Variants in PRKD2 observed in about 807,000 individuals in gnomAD.
PRKD2 encodes serine/threonine-protein kinase D2.
Under a neutral mutation model 86.0 loss-of-function variants are expected in PRKD2, and 22 were observed. That is an observed-to-expected ratio of 0.26 (90% confidence interval 0.18 to 0.37). The LOEUF (loss-of-function observed/expected upper bound fraction) is 0.37. PRKD2 is among the 10% of genes least tolerant of loss of function. The probability of loss-of-function intolerance (pLI) is 1.00; values close to 1 mark genes in which losing one functional copy is unlikely to be tolerated. For missense variants in PRKD2, 818 were observed against 1,199.2 expected (o/e 0.68, Z 4.70); for synonymous variants, 509 against 510.9 (o/e 1.00, Z 0.05).
chr19:46,692,110 C>A (rs1041814214), intron 10 of PRKD2, 125 bp from the exon 11 acceptor site: 1 of 895,412 alleles, frequency 1.1e-6, no homozygotes, highest in Non-Finnish European at 1.8e-6. Flanking sequence ...ATACAATGTG[C>A]AACTTCAGGC....
intron 9 of PRKD2, among the ~76,000 whole-genome samples, chr19:46,695,832 A>ATATTT (rs532302922): frequency 1.2e-4 from 18 of 152,110 alleles, no homozygotes; most frequent in Admixed American, 9.8e-4. Flanking sequence ...GGACAGCATT[A>ATATTT]TATTTTATTT....
intron 9 of PRKD2, 81 bp from the exon 10 acceptor site, chr19:46,694,214 A>G (rs2053525210): frequency 6.5e-7 from 1 of 1,542,008 alleles, no homozygotes; most frequent in African/African-American, 1.4e-5. Flanking sequence ...GATACACGGG[A>G]TCCATGTTGA....
At chr19:46,708,213 CA>C (rs2053744417) in intron 3 of PRKD2, among the ~76,000 whole-genome samples, 1 of 151,854 alleles carries the variant, frequency 6.6e-6, no homozygotes, top group African/African-American at 2.4e-5. Flanking sequence ...CCCTAACCTC[CA>C]ATGCAACTAT....
chr19:46,708,971 G>GT (rs796086305), intron 3 of PRKD2, among the ~76,000 whole-genome samples: 1,671 of 80,120 alleles, frequency 0.021, 51 homozygotes, highest in Admixed American at 0.053. Flanking sequence ...GTTTGTTTGT[G>GT]GTTTTTTTTT....
rs2053882576 is a variant in PRKD2 at position 46,716,429 on chromosome 19, G to A, written c.-59C>T. 3 of 1,082,518 alleles carry A rather than the reference G, an allele frequency of 2.8e-6. No homozygotes were observed. Among genetic ancestry groups the A allele is most frequent in the Admixed American group, 3.7e-5 (1 of 27,308 alleles). 67.1% of individuals were successfully genotyped at this position (1,082,518 alleles called of 1,614,324 possible). ...ACCCGGGACCCGGCCGGGGGGCCCC[G>A]GGGGACCCTGGGTTCTAGATCCGCG... On this transcript the variant is annotated 5_prime_UTR_variant, in exon 1 of 18. Transcript: ENST00000291281. This position sits in a 1 kb window ranked among gnomAD's most constrained non-coding sequence, Gnocchi z 7.9.
chr19:46,680,946 A>ATATATATATATATATTTTTTTTTT, intron 15 of PRKD2, among the ~76,000 whole-genome samples: 10 of 48,262 alleles, frequency 2.1e-4, no homozygotes, highest in Non-Finnish European at 4.0e-4. Context: ...ATATATATAT[A>ATATATATATATATATTTTTTTTTT]TTTTTTTTTT....
chr19:46,699,392 G>C (rs937111083), intron 7 of PRKD2, among the ~76,000 whole-genome samples: 1 of 152,218 alleles, frequency 6.6e-6, no homozygotes, highest in Non-Finnish European at 1.5e-5. Context: ...AGCTCCAGAA[G>C]GGCAGACTTT....
At chr19:46,712,078 A>G (rs1055502210) in intron 2 of PRKD2, among the ~76,000 whole-genome samples, 5 of 151,126 alleles carry the variant, frequency 3.3e-5, no homozygotes, top group African/African-American at 1.2e-4. Flanking sequence ...AAAAAAAGAA[A>G]AAAAAAAAAA....
At chr19:46,686,126 C>T (rs909581388) in intron 14 of PRKD2, 1 of 151,996 alleles carries the variant, frequency 6.6e-6, no homozygotes, top group African/African-American at 2.4e-5. Context: ...CAGAAGAAGG[C>T]AAGGCACCCA....
rs112417341 is a variant in PRKD2 at position 46,707,331 on chromosome 19, C to T, written c.512-2682G>A. On this transcript the variant is annotated intron_variant, in intron 3 of 17. Transcript: ENST00000291281. Reference sequence around the variant, plus strand: ...AAAAATGGAGGCGCATGGGGCCCAGCGCAGTGGCTCATGTCTGTAATCCCA... The same window carrying T: ...AAAAATGGAGGCGCATGGGGCCCAGTGCAGTGGCTCATGTCTGTAATCCCA... Among the ~76,000 whole-genome samples, 1,142 of 152,158 alleles carry T rather than the reference C, an allele frequency of 7.5e-3. 11 individuals are homozygous for T. Among genetic ancestry groups the T allele is most frequent in the African/African-American group, 0.026 (1,089 of 41,494 alleles).
intron 14 of PRKD2, 67 bp downstream of exon 14, chr19:46,689,469 CA>C: frequency 2.0e-6 from 3 of 1,511,336 alleles, no homozygotes; most frequent in Non-Finnish European, 2.7e-6. Flanking sequence ...ACCCCCTAGG[CA>C]TACAGGGCCT....
At chr19:46,691,067 G>C (rs2053476836) in intron 12 of PRKD2, among the ~76,000 whole-genome samples, 1 of 152,072 alleles carries the variant, frequency 6.6e-6, no homozygotes, top group Non-Finnish European at 1.5e-5. Context: ...ATACAGAGAA[G>C]GAAACTGAGT....
intron 9 of PRKD2, 139 bp from the exon 10 acceptor site, chr19:46,694,272 T>G: frequency 8.4e-7 from 1 of 1,186,472 alleles, no homozygotes. Flanking sequence ...TCCCAGTAAT[T>G]CTAAGCCTGT....
chr19:46,713,802 C>T (rs2053842744), intron 2 of PRKD2, 61 bp downstream of exon 2: 2 of 1,275,940 alleles, frequency 1.6e-6, no homozygotes, highest in African/African-American at 1.5e-5. Flanking sequence ...CTACCCTCTC[C>T]TCCCCCAGAT....
Position 46,693,444 on chromosome 19 carries a change from G to T in PRKD2, c.1576+431C>A, listed in dbSNP as rs1398358586. Among the ~76,000 whole-genome samples, 1 of 152,054 alleles carries T rather than the reference G, an allele frequency of 6.6e-6. No homozygotes were observed. Among genetic ancestry groups the T allele is most frequent in the Non-Finnish European group, 1.5e-5 (1 of 68,010 alleles). On this transcript the variant is annotated intron_variant, in intron 10 of 17. Coordinates refer to ENST00000291281, the MANE Select transcript of PRKD2 (RefSeq NM_016457.5). This position sits in a 1 kb window ranked among gnomAD's most constrained non-coding sequence, Gnocchi z 4.5. ...CAGAGATTTGTTGTGGATTTTTGTT[G>T]TTGTTGTTTTTTCTGTTTTGGAGAC...
intron 9 of PRKD2, among the ~76,000 whole-genome samples, chr19:46,695,168 G>A (rs2053538880): frequency 6.6e-6 from 1 of 151,606 alleles, no homozygotes; most frequent in Non-Finnish European, 1.5e-5. Context: ...CTGCACCTGG[G>A]AGACAGGGCA....
chr19:46,706,388 T>A (rs529396186), intron 3 of PRKD2, among the ~76,000 whole-genome samples: 141 of 152,306 alleles, frequency 9.3e-4, no homozygotes, highest in African/African-American at 3.0e-3. Context: ...GTAGGCACTG[T>A]CTTGGCTGCA....
At chr19:46,697,128 C>G (rs369105987) in intron 9 of PRKD2, 29 bp downstream of exon 9, 2 of 1,524,000 alleles carry the variant, frequency 1.3e-6, no homozygotes, top group Non-Finnish European at 1.8e-6. Context: ...AGCGGGAAGT[C>G]CGAGGGAGCT....
chr19:46,716,512 A>G lies in PRKD2; in HGVS notation c.-142T>C. The G allele has an allele frequency of 2.0e-6, 1 of 512,316 alleles. No individual in the cohort carries two copies. Among genetic ancestry groups the G allele is most frequent in the Non-Finnish European group, 3.4e-6 (1 of 296,418 alleles). The allele number at this position is 512,316 out of a possible 1,614,324, so 31.7% of individuals were successfully genotyped here. A position where few individuals can be genotyped will look rare whatever the true frequency, so the allele number is the denominator to read the frequency against. ...ATCCGAGAAAAGATCTGGCAGGCGGAGGGGACCTGAGGATGGCGGGGTCCT... is the reference window on the plus strand; with the variant it reads ...ATCCGAGAAAAGATCTGGCAGGCGGGGGGGACCTGAGGATGGCGGGGTCCT... On this transcript the variant is annotated 5_prime_UTR_variant, in exon 1 of 18. Coordinates refer to ENST00000291281, the MANE Select transcript of PRKD2 (RefSeq NM_016457.5). The surrounding 1 kb of genome is among the most constrained non-coding windows in gnomAD (Gnocchi z 7.9).
Sources: allele counts gnomAD v4.1 joint callset (sites outside exome capture counted in the v4.1 genomes callset), GRCh38; gene constraint gnomAD v4.1.1; non-coding constraint Gnocchi (gnomAD v3.1); transcripts MANE v1.5; gene names NCBI Gene and HGNC (gene_info 2026-07-23, HGNC 2026-07-21).